Variants in KIF26B observed in about 807,000 individuals in gnomAD.
The protein encoded by KIF26B is kinesin family member 26B.
A neutral mutation model predicts 151.2 loss-of-function variants in KIF26B; 63 were observed. The ratio of observed to expected loss-of-function variants is 0.42; its 90% CI spans 0.34 to 0.51. KIF26B has a LOEUF of 0.51. Among genes scored for constraint, KIF26B ranks in the 20% least tolerant of loss-of-function variants. The probability of loss-of-function intolerance (pLI) is 0.07; values close to 1 mark genes in which losing one functional copy is unlikely to be tolerated. For synonymous variants in KIF26B, 1,357 were observed against 1,262.1 expected (o/e 1.08, Z -1.59); for missense variants, 2,813 against 2,913.6 (o/e 0.97, Z 0.79).
intron 10 of KIF26B, among the ~76,000 whole-genome samples, chr1:245,666,674 G>T (rs920206222): frequency 6.6e-6 from 1 of 152,152 alleles, no homozygotes; most frequent in Non-Finnish European, 1.5e-5. Context: ...AAGCAGAGAT[G>T]ACGCTTGTGG....
At chr1:245,197,849 T>C (rs754414042) in intron 2 of KIF26B, among the ~76,000 whole-genome samples, 4 of 152,154 alleles carry the variant, frequency 2.6e-5, no homozygotes, top group Admixed American at 2.6e-4. Context: ...CCAGGATAAT[T>C]AATGTGTGAT....
intron 3 of KIF26B, among the ~76,000 whole-genome samples, chr1:245,401,976 A>C (rs1232618886): frequency 6.6e-6 from 1 of 152,196 alleles, no homozygotes; most frequent in African/African-American, 2.4e-5. Flanking sequence ...TGCAAATAGC[A>C]GCAGTCAACA....
At chr1:245,161,602 C>T (rs975184249) in intron 2 of KIF26B, among the ~76,000 whole-genome samples, 4 of 152,020 alleles carry the variant, frequency 2.6e-5, no homozygotes, top group Admixed American at 6.6e-5. Context: ...TGGCTAACAA[C>T]GATTGTCCTA....
At chr1:245,583,497 C>T (rs541180587) in intron 5 of KIF26B, among the ~76,000 whole-genome samples, 4 of 152,204 alleles carry the variant, frequency 2.6e-5, no homozygotes, top group Non-Finnish European at 2.9e-5. Context: ...TGACCTTGAC[C>T]TGCTGGGGGA....
intron 4 of KIF26B, among the ~76,000 whole-genome samples, chr1:245,482,383 T>A (rs1660187148): frequency 6.6e-6 from 1 of 151,904 alleles, no homozygotes; most frequent in Admixed American, 6.5e-5. Flanking sequence ...CCACCATGCC[T>A]GGTCAAGACA....
chr1:245,167,484 T>A lies in KIF26B; in HGVS notation c.465+10801T>A, dbSNP rs908043977. On this transcript the variant is annotated intron_variant, in intron 2 of 14. Coordinates refer to ENST00000407071, the MANE Select transcript of KIF26B (RefSeq NM_018012.4). The surrounding 1 kb of genome is among the most constrained non-coding windows in gnomAD (Gnocchi z 4.2). ...CTTTCTTTGGGGTTATAATCACTAC[T>A]TCCCAACCCTTCCTCCACCTAACTG... Among the ~76,000 whole-genome samples the A allele has an allele frequency of 2.0e-5, 3 of 152,198 alleles. No homozygotes were observed. The highest frequency in any genetic ancestry group is 7.2e-5 in the African/African-American group (3 of 41,454).
chr1:245,416,280 CAAAAAA>C (rs34744401), intron 3 of KIF26B, among the ~76,000 whole-genome samples: 1 of 51,418 alleles, frequency 1.9e-5, no homozygotes, highest in South Asian at 9.6e-4. Context: ...AACTCTGTCT[CAAAAAA>C]AAAAAAAAAA....
At position 245,155,098 on chromosome 1, in the gene KIF26B, G is replaced by C. The variant is rs544680192; in HGVS notation, c.-327G>C. On this transcript the variant is annotated 5_prime_UTR_variant, in exon 1 of 15. Coordinates refer to ENST00000407071, the MANE Select transcript of KIF26B (RefSeq NM_018012.4). Reference sequence around the variant, plus strand: ...TGTATCCCTCGCTTTCCTCGTGGGGGAGCACGGACTGACTTGGCTGAAGAA... The same window carrying C: ...TGTATCCCTCGCTTTCCTCGTGGGGCAGCACGGACTGACTTGGCTGAAGAA... 159 of 501,084 alleles carry C rather than the reference G, an allele frequency of 3.2e-4. No homozygotes were observed. The highest frequency in any genetic ancestry group is 2.9e-3 in the African/African-American group (143 of 49,606). The allele number at this position is 501,084 out of a possible 1,614,324, so 31.0% of individuals were successfully genotyped here.
chr1:245,271,547 T>A (rs1434322924), intron 2 of KIF26B, among the ~76,000 whole-genome samples: 1 of 151,922 alleles, frequency 6.6e-6, no homozygotes, highest in Admixed American at 6.6e-5. Flanking sequence ...TTCTTGCAGT[T>A]CTTATAATGA....
chr1:245,198,483 G>A (rs1815563), intron 2 of KIF26B, among the ~76,000 whole-genome samples: 58,924 of 152,014 alleles, frequency 0.39, 12,793 homozygotes, highest in East Asian at 0.73. Context: ...GCACTTTGGG[G>A]GGCCAAGGTG....
chr1:245,327,645 C>G (rs1433630241), intron 2 of KIF26B, among the ~76,000 whole-genome samples: 1 of 152,102 alleles, frequency 6.6e-6, no homozygotes, highest in African/African-American at 2.4e-5. Context: ...TCCTACATGC[C>G]AGATATTTCC....
Position 245,671,578 on chromosome 1 carries a change from C to T in KIF26B, c.2259-12655C>T, listed in dbSNP as rs372548870. Reference sequence around the variant, plus strand: ...ATGGTTGCACAACAATGTGAACGGGCGCAATGCCACTAAACTGTGCGCTTA... The same window carrying T: ...ATGGTTGCACAACAATGTGAACGGGTGCAATGCCACTAAACTGTGCGCTTA... On this transcript the variant is annotated intron_variant, in intron 10 of 14. Transcript: ENST00000407071. 2.0e-4 allele frequency among the ~76,000 whole-genome samples: 31 copies of T among 152,184 alleles called. No individual in the cohort carries two copies. The South Asian group carries it at 5.2e-3, about 25-fold the overall frequency.
chr1:245,263,549 G>A (rs966628987), intron 2 of KIF26B, among the ~76,000 whole-genome samples: 2 of 152,190 alleles, frequency 1.3e-5, no homozygotes, highest in African/African-American at 4.8e-5. Flanking sequence ...GTATGTGCTA[G>A]GAGGGCACTA....
rs1272794130 is a variant in KIF26B at position 245,488,007 on chromosome 1, C to G, written c.1167-52760C>G. On this transcript the variant is annotated intron_variant, in intron 4 of 14. Coordinates refer to ENST00000407071, the MANE Select transcript of KIF26B (RefSeq NM_018012.4). The surrounding 1 kb of genome is among the most constrained non-coding windows in gnomAD (Gnocchi z 4.6). The stretch of plus-strand genomic sequence containing the variant: ...TTCTCCAAGTCGGCCACGTTGGTCT[C>G]GAACTTCTGACCTCAGGTGATCCAC... 6.6e-6 allele frequency among the ~76,000 whole-genome samples: 1 copy of G among 152,036 alleles called. No individual in the cohort carries two copies. The highest frequency in any genetic ancestry group is 1.5e-5 in the Non-Finnish European group (1 of 68,004).
At chr1:245,694,829 C>T (rs10924308) in intron 12 of KIF26B, among the ~76,000 whole-genome samples, 95,626 of 151,620 alleles carry the variant, frequency 0.63, 31,888 homozygotes, top group Middle Eastern at 0.78. Context: ...AAATCCATGT[C>T]GGCAGGTATC....
intron 9 of KIF26B, among the ~76,000 whole-genome samples, chr1:245,620,545 G>A (rs1308544411): frequency 6.6e-6 from 1 of 152,078 alleles, no homozygotes; most frequent in African/African-American, 2.4e-5. Context: ...GGCAACAGGT[G>A]CGCACCACCA....
intron 5 of KIF26B, among the ~76,000 whole-genome samples, chr1:245,576,154 C>T (rs960563334): frequency 6.6e-6 from 1 of 152,190 alleles, no homozygotes; most frequent in Non-Finnish European, 1.5e-5. Flanking sequence ...ACAATTAAGC[C>T]TCAGAGGATC....
intron 4 of KIF26B, among the ~76,000 whole-genome samples, chr1:245,490,546 C>T (rs1348669302): frequency 2.6e-5 from 4 of 152,034 alleles, no homozygotes; most frequent in South Asian, 2.1e-4. Context: ...CTCCTGACCT[C>T]GTGATCCACC....
chr1:245,210,418 A>T lies in KIF26B; in HGVS notation c.465+53735A>T, dbSNP rs181886479. On this transcript the variant is annotated intron_variant, in intron 2 of 14. Coordinates refer to ENST00000407071, the MANE Select transcript of KIF26B (RefSeq NM_018012.4). ...CAGTATTTTTCACTTTAATATCCTA[A>T]TCCTGAAGTTGTTCTGCGATGTGGT... Among the ~76,000 whole-genome samples the T allele has an allele frequency of 6.0e-3, 914 of 151,282 alleles. 6 individuals are homozygous for T. The highest frequency in any genetic ancestry group is 0.011 in the Non-Finnish European group (733 of 67,936).
Sources: allele counts gnomAD v4.1 joint callset (sites outside exome capture counted in the v4.1 genomes callset), GRCh38; gene constraint gnomAD v4.1.1; non-coding constraint Gnocchi (gnomAD v3.1); transcripts MANE v1.5; gene names NCBI Gene and HGNC (gene_info 2026-07-23, HGNC 2026-07-21).